Variants in KIAA0319L observed in about 807,000 individuals in gnomAD.
The protein encoded by KIAA0319L is dyslexia-associated protein KIAA0319-like protein.
A neutral mutation model predicts 120.1 loss-of-function variants in KIAA0319L; 55 were observed. That is an observed-to-expected ratio of 0.46 (90% CI 0.37 to 0.57). The LOEUF (loss-of-function observed/expected upper bound fraction) is 0.57, where lower values mean the gene tolerates loss of function less well. Ranked by LOEUF, KIAA0319L falls within the 20% of genes least tolerant of loss-of-function variation. The pLI is 0.00. For missense variants in KIAA0319L, 1,049 were observed against 1,255.3 expected, an observed-to-expected ratio of 0.84 and a Z score of 2.48; for synonymous variants, 398 against 471.9, an observed-to-expected ratio of 0.84 and a Z score of 2.03.
rs550001182 is a variant in KIAA0319L at position 35,531,487 on chromosome 1, G to A, written c.142+22863C>T. On this transcript the variant is annotated intron_variant, in intron 2 of 20. Coordinates refer to ENST00000325722, the MANE Select transcript of KIAA0319L (RefSeq NM_024874.5). ...AGAGCTGGACTCTCAAAATGGTCCT[G>A]TGTCCCACTAGGGACCTGGGGGATG... 3.9e-5 allele frequency among the ~76,000 whole-genome samples: 6 copies of A among 152,310 alleles called. No homozygotes were observed. The South Asian group carries it at 1.0e-3, about 26-fold the overall frequency.
intron 3 of KIAA0319L, among the ~76,000 whole-genome samples, chr1:35,503,183 A>G (rs1645072427): frequency 6.6e-6 from 1 of 152,154 alleles, no homozygotes; most frequent in Admixed American, 6.5e-5. Context: ...ATGATCTATC[A>G]CACTTAAGAA....
intron 2 of KIAA0319L, among the ~76,000 whole-genome samples, chr1:35,530,978 G>A (rs1646343196): frequency 6.6e-6 from 1 of 152,204 alleles, no homozygotes; most frequent in African/African-American, 2.4e-5. Flanking sequence ...TGTCCTCAGG[G>A]TGCGTGAAAG....
At chr1:35,517,354 C>CA (rs772130327) in intron 2 of KIAA0319L, among the ~76,000 whole-genome samples, 6 of 152,018 alleles carry the variant, frequency 3.9e-5, no homozygotes, top group Non-Finnish European at 8.8e-5. Flanking sequence ...GGTAATGGTA[C>CA]AAAAATTGGC....
At chr1:35,541,008 C>T (rs141835744) in intron 2 of KIAA0319L, among the ~76,000 whole-genome samples, 273 of 152,128 alleles carry the variant, frequency 1.8e-3, no homozygotes, top group Middle Eastern at 3.4e-3. Flanking sequence ...ACAGCGTGAT[C>T]ATGGCTCACT....
intron 7 of KIAA0319L, 126 bp downstream of exon 7, chr1:35,466,482 A>C (rs1643271684): frequency 3.1e-6 from 2 of 649,244 alleles, no homozygotes; most frequent in Non-Finnish European, 5.4e-6. Context: ...CACCACATTG[A>C]ACTAGGAATT....
At chr1:35,554,668 C>T (rs894496187) in intron 1 of KIAA0319L, 149 bp from the exon 2 acceptor site, 6 of 482,096 alleles carry the variant, frequency 1.2e-5, no homozygotes, top group African/African-American at 1.2e-4. Flanking sequence ...AAATTTTAAA[C>T]CTGGGCTTTG....
chr1:35,450,399 T>TG lies in KIAA0319L; in HGVS notation c.2172dup (p.Ser725GlnfsTer8). The TG allele has an allele frequency of 6.2e-7, 1 of 1,614,114 alleles. No individual in the cohort carries two copies. Among genetic ancestry groups the TG allele is most frequent in the East Asian group, 2.2e-5 (1 of 44,880 alleles). On this transcript the variant is annotated frameshift_variant, in exon 14 of 21. Transcript: ENST00000325722. LOFTEE classifies it high-confidence loss of function. ...CCCTCATCTCGAGTCCAGAGGTAGC[T>TG]GACTATTCCCTTGTCATCTGAGGAC...
In KIAA0319L at chr1:35,495,305, G is replaced by A. The variant is rs565579201; in HGVS notation, c.666+11307C>T. Reference sequence around the variant, plus strand: ...GAAAAATCGCTTGAACCTGGGAGATGGAGGTTGCAGTGAGCCGAGATCATG... The same window carrying A: ...GAAAAATCGCTTGAACCTGGGAGATAGAGGTTGCAGTGAGCCGAGATCATG... On this transcript the variant is annotated intron_variant, in intron 3 of 20. Coordinates refer to ENST00000325722, the MANE Select transcript of KIAA0319L (RefSeq NM_024874.5). Among the ~76,000 whole-genome samples, 5 of 152,202 alleles carry A rather than the reference G, an allele frequency of 3.3e-5. No homozygotes were observed. In the South Asian group the frequency reaches 8.3e-4, roughly 25 times the overall value.
chr1:35,530,319 C>T (rs1362268321), intron 2 of KIAA0319L, among the ~76,000 whole-genome samples: 1 of 152,020 alleles, frequency 6.6e-6, no homozygotes, highest in Non-Finnish European at 1.5e-5. Flanking sequence ...AACCACTGCA[C>T]CCAGCCCGAG....
intron 8 of KIAA0319L, among the ~76,000 whole-genome samples, chr1:35,461,162 T>C (rs1159009013): frequency 1.3e-5 from 2 of 152,128 alleles, no homozygotes; most frequent in African/African-American, 2.4e-5. Context: ...GCATCTTATG[T>C]GTTGATTAAG....
intron 3 of KIAA0319L, 133 bp from the exon 4 acceptor site, chr1:35,479,345 C>T (rs868500854): frequency 2.8e-5 from 19 of 684,658 alleles, no homozygotes; most frequent in Middle Eastern, 4.1e-4. Flanking sequence ...AGAAACTAAT[C>T]TCACCACCCA....
intron 3 of KIAA0319L, among the ~76,000 whole-genome samples, chr1:35,480,523 T>C (rs956985908): frequency 1.3e-5 from 2 of 152,198 alleles, no homozygotes; most frequent in African/African-American, 4.8e-5. Flanking sequence ...GTCTCACACC[T>C]GTAATCCCAG....
At chr1:35,449,726 TCAGC>T in intron 15 of KIAA0319L, 137 bp downstream of exon 15, 2 of 857,254 alleles carry the variant, frequency 2.3e-6, no homozygotes, top group Non-Finnish European at 3.6e-6. Context: ...TATGGATTTT[TCAGC>T]TTGGGGTTTC....
chr1:35,490,555 A>C (rs1644553263), intron 3 of KIAA0319L, among the ~76,000 whole-genome samples: 1 of 152,236 alleles, frequency 6.6e-6, no homozygotes, highest in African/African-American at 2.4e-5. Context: ...ACTGATCCAG[A>C]AATAACAGAG....
intron 8 of KIAA0319L, among the ~76,000 whole-genome samples, chr1:35,461,108 A>G: frequency 6.6e-6 from 1 of 152,332 alleles, no homozygotes; most frequent in Non-Finnish European, 1.5e-5. Flanking sequence ...TTATACATCT[A>G]TATGATGGAA....
intron 1 of KIAA0319L, 156 bp from the exon 2 acceptor site, chr1:35,554,675 T>C: frequency 2.1e-6 from 1 of 467,502 alleles, no homozygotes; most frequent in Non-Finnish European, 3.8e-6. Flanking sequence ...AAACCTGGGC[T>C]TTGAGGTAGC....
intron 2 of KIAA0319L, among the ~76,000 whole-genome samples, chr1:35,529,885 T>C (rs1646294311): frequency 6.6e-6 from 1 of 152,188 alleles, no homozygotes; most frequent in Admixed American, 6.5e-5. Context: ...ATTATTTTGT[T>C]TAATCAGTTT....
intron 2 of KIAA0319L, among the ~76,000 whole-genome samples, chr1:35,509,137 A>AT (rs1258285720): frequency 6.6e-6 from 1 of 152,174 alleles, no homozygotes; most frequent in Non-Finnish European, 1.5e-5. Context: ...GAAGGCAAGC[A>AT]TAACAGGGCA....
chr1:35,440,925 G>C (rs1558260485), intron 20 of KIAA0319L, 122 bp downstream of exon 20: 3 of 835,750 alleles, frequency 3.6e-6, no homozygotes, highest in Non-Finnish European at 6.2e-6. Context: ...TCAGGCAAAA[G>C]GGAACAAAAT....
Sources: allele counts gnomAD v4.1 joint callset (sites outside exome capture counted in the v4.1 genomes callset), GRCh38; gene constraint gnomAD v4.1.1; transcripts MANE v1.5; gene names NCBI Gene and HGNC (gene_info 2026-07-23, HGNC 2026-07-21).